Variants in PREX1 observed in about 807,000 individuals in gnomAD.
The protein encoded by PREX1 is phosphatidylinositol-3,4,5-trisphosphate dependent Rac exchange factor 1.
A neutral mutation model predicts 198.3 loss-of-function variants in PREX1; 41 were observed. The ratio of observed to expected loss-of-function variants is 0.21; its 90% CI spans 0.16 to 0.27. The LOEUF is 0.27. Ranked by LOEUF, PREX1 falls within the 10% of genes least tolerant of loss-of-function variation. The pLI is 1.00. For missense variants in PREX1, 1,620 were observed against 2,200.7 expected (o/e 0.74, Z 5.28); for synonymous variants, 843 against 887.2 (o/e 0.95, Z 0.89).
At chr20:48,676,733 G>A (rs1040048584) in intron 13 of PREX1, among the ~76,000 whole-genome samples, 11 of 152,218 alleles carry the variant, frequency 7.2e-5, no homozygotes, top group Admixed American at 2.6e-4. Flanking sequence ...CACCGGCGCC[G>A]AGGCTGGGGA....
At chr20:48,882,269 G>A in the PREX1 span, among the ~76,000 whole-genome samples, 1 of 151,976 alleles carries the variant, frequency 6.6e-6, no homozygotes, top group Non-Finnish European at 1.5e-5. Flanking sequence ...TTGGGAGGCG[G>A]AGGCAGGCGG....
At chr20:48,682,979 C>T (rs764073838) in intron 10 of PREX1, among the ~76,000 whole-genome samples, 5 of 147,152 alleles carry the variant, frequency 3.4e-5, no homozygotes, top group African/African-American at 1.0e-4. Context: ...GGTAGCGGTG[C>T]GTGCTGGAGC....
At chr20:48,636,749 C>T (rs940795853) in intron 31 of PREX1, 66 bp from the exon 32 acceptor site, 3 of 1,432,980 alleles carry the variant, frequency 2.1e-6, no homozygotes, top group Non-Finnish European at 2.8e-6. Context: ...GCCCACCCCC[C>T]AAAACCCTGG....
At chr20:48,873,128 G>A in the PREX1 span, among the ~76,000 whole-genome samples, 8 of 152,108 alleles carry the variant, frequency 5.3e-5, no homozygotes, top group Non-Finnish European at 1.2e-4. Flanking sequence ...GATCTACCCT[G>A]CGTGTCACTC....
chr20:48,672,214 C>T (rs1240337417), intron 14 of PREX1, among the ~76,000 whole-genome samples: 1 of 152,234 alleles, frequency 6.6e-6, no homozygotes, highest in East Asian at 1.9e-4. Flanking sequence ...TTCATAGCAT[C>T]CCAGCTCAGT....
At chr20:48,811,802 C>T (rs1009438850) in intron 1 of PREX1, among the ~76,000 whole-genome samples, 7 of 152,150 alleles carry the variant, frequency 4.6e-5, no homozygotes, top group African/African-American at 1.7e-4. Flanking sequence ...CAAGGGAATC[C>T]CCTAGGACAA....
chr20:48,768,949 CTT>C (rs112557919), intron 1 of PREX1, among the ~76,000 whole-genome samples: 2 of 146,176 alleles, frequency 1.4e-5, no homozygotes, highest in South Asian at 2.2e-4. Flanking sequence ...AAACTATTCC[CTT>C]TTTTTTTTTT....
intron 18 of PREX1, 75 bp from the exon 19 acceptor site, chr20:48,655,450 C>A: frequency 8.0e-7 from 1 of 1,250,740 alleles, no homozygotes; most frequent in Non-Finnish European, 1.1e-6. Context: ...CCGGTGCCAA[C>A]CCAGAGACTT....
At chr20:48,810,415 C>T (rs1376959146) in intron 1 of PREX1, among the ~76,000 whole-genome samples, 2 of 150,660 alleles carry the variant, frequency 1.3e-5, no homozygotes, top group African/African-American at 4.9e-5. Flanking sequence ...AGACCCTTAT[C>T]TCTAAAAAAA....
At chr20:48,644,552 C>T in intron 26 of PREX1, 55 bp from the exon 27 acceptor site, 1 of 1,526,326 alleles carries the variant, frequency 6.6e-7, no homozygotes, top group East Asian at 2.3e-5. Context: ...GCCATCTGGT[C>T]CTGGCACCCA....
intron 1 of PREX1, among the ~76,000 whole-genome samples, chr20:48,794,910 T>C (rs2090353983): frequency 1.3e-5 from 2 of 152,212 alleles, no homozygotes; most frequent in South Asian, 4.1e-4. Context: ...TAGGGGTTTT[T>C]GTGACTAGCC....
At position 48,726,279 on chromosome 20, in the gene PREX1, G is replaced by A; in HGVS notation, c.621+11C>T. 4 of 1,606,668 alleles carry A rather than the reference G, an allele frequency of 2.5e-6. No homozygotes were observed. The highest frequency in any genetic ancestry group is 3.4e-6 in the Non-Finnish European group (4 of 1,174,016). On this transcript the variant is annotated intron_variant, in intron 5 of 39. Transcript: ENST00000371941. ...GAGTTTTCTGTCACTTCAAATACGG[G>A]AAAGTCTCACCTTAAGGAGGAGCGG...
chr20:48,693,919 T>C (rs1422163784), intron 7 of PREX1, among the ~76,000 whole-genome samples: 4 of 150,830 alleles, frequency 2.7e-5, no homozygotes, highest in Admixed American at 2.6e-4. Context: ...ATTTTATTTA[T>C]TTATTTTTTT....
upstream of PREX1, among the ~76,000 whole-genome samples, chr20:48,830,560 C>A (rs1289235867): frequency 6.6e-6 from 1 of 152,190 alleles, no homozygotes; most frequent in Non-Finnish European, 1.5e-5. Flanking sequence ...CCACATTTCA[C>A]CCAAGAATTG....
the PREX1 span, among the ~76,000 whole-genome samples, chr20:48,884,820 C>T: frequency 6.6e-6 from 1 of 152,108 alleles, no homozygotes; most frequent in Non-Finnish European, 1.5e-5. Context: ...AGTAAAAAGA[C>T]AAATAAACCG....
chr20:48,706,842 G>T (rs2089905694), intron 6 of PREX1, among the ~76,000 whole-genome samples: 1 of 152,154 alleles, frequency 6.6e-6, no homozygotes, highest in African/African-American at 2.4e-5. Context: ...GGGGCTAGAG[G>T]AGCCAGGAAT....
intron 31 of PREX1, 104 bp from the exon 32 acceptor site, chr20:48,636,787 C>G: frequency 1.0e-6 from 1 of 977,610 alleles, no homozygotes; most frequent in East Asian, 2.7e-5. Context: ...GAACCCCCAG[C>G]AAAGGGCTAA....
the PREX1 span, among the ~76,000 whole-genome samples, chr20:48,872,158 CAAA>C: frequency 1.0e-4 from 10 of 96,978 alleles, no homozygotes; most frequent in Admixed American, 1.1e-4. Flanking sequence ...GACTCTGTCT[CAAA>C]AAAAAAAAAA....
chr20:48,846,532 A>G, the PREX1 span, among the ~76,000 whole-genome samples: 307 of 152,144 alleles, frequency 2.0e-3, 1 homozygote, highest in African/African-American at 7.1e-3. Context: ...CGACCCTCCT[A>G]CAGTACAACA....
Sources: gnomAD v4.1 joint callset for allele counts (sites outside exome capture counted in the v4.1 genomes callset) on GRCh38, gnomAD v4.1.1 for gene constraint, MANE v1.5 for transcripts, NCBI Gene and HGNC (gene_info 2026-07-23, HGNC 2026-07-21) for gene names.